The following SIPA1L3 variants were observed in gnomAD, a reference collection of about 807,000 sequenced individuals.
The protein encoded by SIPA1L3 is signal-induced proliferation-associated 1-like protein 3.
A neutral mutation model predicts 150.1 loss-of-function variants in SIPA1L3; 59 were observed. The observed-to-expected ratio is 0.39, with a 90% CI of 0.32 to 0.49. SIPA1L3 has a LOEUF of 0.49. Among genes scored for constraint, SIPA1L3 ranks in the 20% least tolerant of loss-of-function variants. The pLI is 0.86. For synonymous variants in SIPA1L3, 1,070 were observed against 1,077.6 expected, an observed-to-expected ratio of 0.99 and a Z score of 0.14; for missense variants, 2,211 against 2,489.5, an observed-to-expected ratio of 0.89 and a Z score of 2.38.
chr19:37,910,202 G>A (rs1356031329), intron 1 of SIPA1L3, among the ~76,000 whole-genome samples: 1 of 152,102 alleles, frequency 6.6e-6, no homozygotes, highest in Non-Finnish European at 1.5e-5. Context: ...TAAATTAAAT[G>A]TATTTACATT....
At chr19:37,908,773 T>G (rs1243068375) in intron 1 of SIPA1L3, among the ~76,000 whole-genome samples, 1 of 152,138 alleles carries the variant, frequency 6.6e-6, no homozygotes, top group East Asian at 1.9e-4. Context: ...TAAGAAGAAA[T>G]GGGTCTGACC....
At chr19:38,059,728 A>G (rs1051885631) in intron 2 of SIPA1L3, among the ~76,000 whole-genome samples, 6 of 152,014 alleles carry the variant, frequency 3.9e-5, no homozygotes, top group Admixed American at 6.6e-5. Flanking sequence ...CCAGAAAGAG[A>G]ACCTGCTGGC....
chr19:38,080,471 C>A (rs1037359932), intron 2 of SIPA1L3, among the ~76,000 whole-genome samples: 10 of 152,108 alleles, frequency 6.6e-5, no homozygotes, highest in Non-Finnish European at 1.3e-4. Context: ...TGAGAAAATA[C>A]CTGCATAAGC....
chr19:38,128,124 G>A lies in SIPA1L3; in HGVS notation c.2869-2374G>A, dbSNP rs184245729. 2.5e-3 allele frequency among the ~76,000 whole-genome samples: 363 copies of A among 142,998 alleles called. 2 individuals carry two copies. Among genetic ancestry groups the A allele is most frequent in the Non-Finnish European group, 3.5e-3 (235 of 66,990 alleles). 93.8% of individuals were successfully genotyped at this position (142,998 alleles called of 152,430 possible). On this transcript the variant is annotated intron_variant, in intron 9 of 21. Coordinates refer to ENST00000222345, the MANE Select transcript of SIPA1L3 (RefSeq NM_015073.3). ...GGCTGGAGTGCAGTAGCGTGATCTCGGCTCACTGCAACCTCTGCCTCCTGT... is the reference window on the plus strand; with the variant it reads ...GGCTGGAGTGCAGTAGCGTGATCTCAGCTCACTGCAACCTCTGCCTCCTGT...
intron 16 of SIPA1L3, 61 bp from the exon 17 acceptor site, chr19:38,192,084 A>C (rs1479358435): frequency 5.4e-6 from 8 of 1,486,576 alleles, no homozygotes; most frequent in Admixed American, 4.4e-5. Context: ...GAATCCAAAC[A>C]GCTTTGAAAA....
At position 38,100,070 on chromosome 19, in the gene SIPA1L3, G is replaced by A. The variant is rs773374316; in HGVS notation, c.1774G>A (p.Glu592Lys). The change falls in exon 5 of 22, where the codon GAG becomes AAG. Residue 592 changes from glutamate (E) to lysine (K), a missense_variant. Physicochemically the swap from Glu to Lys is moderately conservative, Grantham distance 56. Around this residue, in one of 5 missense-constraint regions of SIPA1L3, gnomAD observed 625 missense variants for 804.2 expected, o/e 0.78. Transcript: ENST00000222345. ...GGATGCCCTGGAGTATGTCATCCCC[G>A]AGCTCAACATCCACTGCCTGCGGCT... is the stretch of plus-strand genomic sequence containing the variant. The part of the protein sequence containing the change: ...LKDALEYVIP[E>K]LNIHCLRLAL... 5 of 1,612,268 alleles carry A rather than the reference G, an allele frequency of 3.1e-6. No homozygotes were observed. The highest frequency in any genetic ancestry group is 1.3e-5 in the African/African-American group (1 of 74,766).
At chr19:38,192,727 AC>A (rs140708035) in intron 17 of SIPA1L3, among the ~76,000 whole-genome samples, 1 of 151,680 alleles carries the variant, frequency 6.6e-6, no homozygotes, top group Non-Finnish European at 1.5e-5. Context: ...GTGCCAGGGA[AC>A]CTCCACAGCA....
chr19:37,920,168 C>T (rs188678683), intron 1 of SIPA1L3, among the ~76,000 whole-genome samples: 350 of 152,034 alleles, frequency 2.3e-3, no homozygotes, highest in Admixed American at 5.7e-3. Context: ...CAAGCGATCC[C>T]CCATCTCAGC....
chr19:37,980,196 G>A (rs540263768), intron 1 of SIPA1L3, among the ~76,000 whole-genome samples: 1 of 152,326 alleles, frequency 6.6e-6, no homozygotes, highest in African/African-American at 2.4e-5. Flanking sequence ...GGATGTGTGA[G>A]CAGTCTCTGT....
chr19:38,049,949 C>T (rs1475975343), intron 2 of SIPA1L3, among the ~76,000 whole-genome samples: 1 of 152,088 alleles, frequency 6.6e-6, no homozygotes, highest in Non-Finnish European at 1.5e-5. Flanking sequence ...ATTCAGGCTC[C>T]CCTTTCCAAG....
intron 2 of SIPA1L3, among the ~76,000 whole-genome samples, chr19:38,055,451 T>A (rs1390931698): frequency 1.3e-5 from 2 of 152,206 alleles, no homozygotes; most frequent in Non-Finnish European, 2.9e-5. Context: ...CCCCATTTAT[T>A]TATTAGGAAA....
chr19:38,021,091 G>GTGCC (rs1430504422), intron 1 of SIPA1L3, among the ~76,000 whole-genome samples: 26 of 152,196 alleles, frequency 1.7e-4, no homozygotes, highest in Non-Finnish European at 3.1e-4. Context: ...GTGAGCCACC[G>GTGCC]TGCCCGGCTT....
chr19:38,153,398 G>GGT (rs1484544358), intron 13 of SIPA1L3, among the ~76,000 whole-genome samples: 2 of 152,188 alleles, frequency 1.3e-5, no homozygotes, highest in African/African-American at 4.8e-5. Flanking sequence ...GGCCAGGCGG[G>GGT]GTGGCTCACG....
In SIPA1L3 at chr19:37,944,692, T is replaced by A. The variant is rs2046693890; in HGVS notation, c.-379+37334T>A. ...CTTAAGTCAAAAGTGCATTCACACCTGTCATCCCAGCACTTTGGGAGGCTG... is the reference window on the plus strand; with the variant it reads ...CTTAAGTCAAAAGTGCATTCACACCAGTCATCCCAGCACTTTGGGAGGCTG... On this transcript the variant is annotated intron_variant, in intron 1 of 21. Transcript: ENST00000222345. Among the ~76,000 whole-genome samples the A allele has an allele frequency of 2.6e-5, 4 of 152,184 alleles. No individual in the cohort carries two copies. In the South Asian group the frequency reaches 8.3e-4, roughly 32 times the overall value.
chr19:38,139,002 C>T (rs1418578772), intron 10 of SIPA1L3, among the ~76,000 whole-genome samples: 3 of 151,390 alleles, frequency 2.0e-5, no homozygotes, highest in African/African-American at 4.9e-5. Flanking sequence ...TCAAGACCAG[C>T]CTGGGCAACA....
chr19:38,052,436 C>A (rs532299082), intron 2 of SIPA1L3, among the ~76,000 whole-genome samples: 69 of 152,318 alleles, frequency 4.5e-4, no homozygotes, highest in Non-Finnish European at 4.1e-4. Context: ...GCCTCCTCCG[C>A]GTGAGATGCT....
chr19:38,128,010 G>A (rs931080105), intron 9 of SIPA1L3, among the ~76,000 whole-genome samples: 2 of 145,142 alleles, frequency 1.4e-5, no homozygotes, highest in African/African-American at 5.1e-5. Context: ...CCTTCTTGCT[G>A]TCATGGTGGA....
chr19:38,101,096 C>A lies in SIPA1L3; in HGVS notation c.1899C>A (p.Gly633=). The A allele has an allele frequency of 6.2e-7, 1 of 1,600,588 alleles. No homozygotes were observed. The highest frequency in any genetic ancestry group is 8.5e-7 in the Non-Finnish European group (1 of 1,173,046). ...TGGGCATCCTCTATTGCAAGGCCGG[C>A]CAGAGCTCCGAGGAGGAGATGTACA... ...HKVGILYCKA[G]QSSEEEMYNN... The change falls in exon 6 of 22, where the codon GGC becomes GGA. Residue 633 remains glycine (G), a synonymous_variant. Coordinates refer to ENST00000222345, the MANE Select transcript of SIPA1L3 (RefSeq NM_015073.3).
intron 10 of SIPA1L3, among the ~76,000 whole-genome samples, chr19:38,135,213 C>G (rs78791287): frequency 0.028 from 4,191 of 152,280 alleles, 172 homozygotes; most frequent in African/African-American, 0.093. Context: ...GTCGTGCTTG[C>G]TCTCTCTCCA....
Sources: allele counts gnomAD v4.1 joint callset (sites outside exome capture counted in the v4.1 genomes callset), GRCh38; gene constraint gnomAD v4.1.1; regional missense constraint gnomAD v4.1.1; transcripts MANE v1.5; gene names NCBI Gene and HGNC (gene_info 2026-07-23, HGNC 2026-07-21).